Variants in PEPD observed in about 807,000 individuals in gnomAD.
PEPD encodes the protein xaa-Pro dipeptidase.
In PEPD, 53 loss-of-function variants were observed where a neutral mutation model predicts 60.7. The ratio of observed to expected loss-of-function variants is 0.87; its 90% confidence interval spans 0.70 to 1.10. PEPD has a LOEUF of 1.10. PEPD is among the 50% of genes least tolerant of loss of function. The pLI is 0.00. For missense variants in PEPD, 711 were observed against 711.9 expected (o/e 1.00, Z 0.01); for synonymous variants, 267 against 284.1 (o/e 0.94, Z 0.60).
intron 9 of PEPD, among the ~76,000 whole-genome samples, chr19:33,435,731 C>T (rs117626150): frequency 1.9e-4 from 29 of 152,348 alleles, no homozygotes; most frequent in Non-Finnish European, 3.7e-4. Context: ...TTCTCAATCA[C>T]GACAGGACTG....
intron 12 of PEPD, among the ~76,000 whole-genome samples, chr19:33,401,053 A>G (rs1968477109): frequency 6.6e-6 from 1 of 152,100 alleles, no homozygotes; most frequent in South Asian, 2.1e-4. Context: ...GTCAAGAGGT[A>G]CCAGTGGGGC....
chr19:33,466,779 AT>A lies in PEPD; in HGVS notation c.549-2718del, dbSNP rs1261155486. Among the ~76,000 whole-genome samples the A allele has an allele frequency of 7.3e-5, 11 of 151,578 alleles. No individual in the cohort carries two copies. In the East Asian group the frequency reaches 9.7e-4, roughly 13 times the overall value. On this transcript the variant is annotated intron_variant, in intron 7 of 14. Transcript: ENST00000244137. ...AATGAAAAAAAAAAAAGAAATAAAA[AT>A]TTTTTTCTAATAAAAAAACCATTCT...
chr19:33,396,507 C>A (rs7247261), intron 12 of PEPD, among the ~76,000 whole-genome samples: 2 of 151,934 alleles, frequency 1.3e-5, no homozygotes, highest in African/African-American at 2.4e-5. Flanking sequence ...ATTGGCAGCA[C>A]CCCCGTCACT....
intron 5 of PEPD, 121 bp downstream of exon 5, chr19:33,493,169 C>T: frequency 1.3e-6 from 1 of 759,354 alleles, no homozygotes; most frequent in Non-Finnish European, 2.4e-6. Context: ...AGCCCCTGGA[C>T]CCAACCCCTC....
intron 12 of PEPD, among the ~76,000 whole-genome samples, chr19:33,397,393 AC>A (rs1352077974): frequency 1.3e-5 from 2 of 149,720 alleles, no homozygotes; most frequent in East Asian, 4.0e-4. Flanking sequence ...CAGGAATTGA[AC>A]CCACGAACCC....
At chr19:33,463,846 C>T (rs886714725) in intron 8 of PEPD, 141 bp downstream of exon 8, 7 of 710,342 alleles carry the variant, frequency 9.9e-6, no homozygotes, top group East Asian at 2.7e-5. Flanking sequence ...GAAAAGAGAA[C>T]AATCACTGTG....
intron 6 of PEPD, 58 bp downstream of exon 6, chr19:33,489,938 T>C (rs1853118188): frequency 1.1e-6 from 1 of 945,748 alleles, no homozygotes; most frequent in Non-Finnish European, 1.7e-6. Flanking sequence ...AAAGACCTGC[T>C]AGTGAAGGTG....
Position 33,511,253 on chromosome 19 carries a change from C to T in PEPD, c.202-98G>A, listed in dbSNP as rs140656021. On this transcript the variant is annotated intron_variant, in intron 2 of 14. Transcript: ENST00000244137. Reference sequence around the variant, plus strand: ...AGCACCCTAGAGAGCCAGCTCAGACCGACAGCCTCCTGTAACTGACCCCAG... The same window carrying T: ...AGCACCCTAGAGAGCCAGCTCAGACTGACAGCCTCCTGTAACTGACCCCAG... 733 of 1,261,044 alleles carry T rather than the reference C, an allele frequency of 5.8e-4. 4 individuals carry two copies. The African/African-American group carries it at 9.8e-3, about 17-fold the overall frequency. 78.1% of individuals were successfully genotyped at this position (1,261,044 alleles called of 1,614,324 possible). A position where few individuals can be genotyped will look rare whatever the true frequency, so the allele number is the denominator to read the frequency against.
chr19:33,416,047 C>T (rs998258405), intron 9 of PEPD, among the ~76,000 whole-genome samples: 1 of 152,172 alleles, frequency 6.6e-6, no homozygotes, highest in African/African-American at 2.4e-5. Context: ...GCTGTGGCGG[C>T]ACAGGGGGCC....
At chr19:33,413,471 T>A in intron 10 of PEPD, 104 bp downstream of exon 10, 1 of 722,494 alleles carries the variant, frequency 1.4e-6, no homozygotes, top group Non-Finnish European at 2.5e-6. Context: ...GGCGTGTGAG[T>A]GAGCAAGTGT....
intron 7 of PEPD, among the ~76,000 whole-genome samples, chr19:33,470,861 A>C (rs1370003030): frequency 6.6e-6 from 1 of 152,156 alleles, no homozygotes; most frequent in Non-Finnish European, 1.5e-5. Context: ...CCAGCAGCCC[A>C]AAATCCCTCT....
At chr19:33,454,012 A>G (rs1309444989) in intron 9 of PEPD, among the ~76,000 whole-genome samples, 1 of 152,180 alleles carries the variant, frequency 6.6e-6, no homozygotes, top group Non-Finnish European at 1.5e-5. Flanking sequence ...AAATTCATCT[A>G]AGGTGCACCC....
intron 9 of PEPD, among the ~76,000 whole-genome samples, chr19:33,430,767 C>A (rs556169980): frequency 6.6e-6 from 1 of 152,264 alleles, no homozygotes; most frequent in East Asian, 1.9e-4. Context: ...GGCTTCTTGT[C>A]CTGATGTGTT....
intron 13 of PEPD, chr19:33,388,602 G>T: frequency 4.4e-6 from 1 of 224,738 alleles, no homozygotes; most frequent in South Asian, 6.9e-5. Flanking sequence ...GTCCAGGGAG[G>T]ACAGGTGCCG....
chr19:33,441,181 G>C (rs1969473457), intron 9 of PEPD, among the ~76,000 whole-genome samples: 1 of 152,190 alleles, frequency 6.6e-6, no homozygotes, highest in African/African-American at 2.4e-5. Context: ...TCTCCACCAA[G>C]CCCAGGGAGC....
Position 33,455,837 on chromosome 19 carries a change from T to C in PEPD, c.671+7158A>G, listed in dbSNP as rs1211256282. On this transcript the variant is annotated intron_variant, in intron 9 of 14. Coordinates refer to ENST00000244137, the MANE Select transcript of PEPD (RefSeq NM_000285.4). Reference sequence around the variant, plus strand: ...TGCCTGGCAATATCAGGTTTAATGGTGAAACACTAGAGGAAAATCCATAAA... The same window carrying C: ...TGCCTGGCAATATCAGGTTTAATGGCGAAACACTAGAGGAAAATCCATAAA... Among the ~76,000 whole-genome samples, 3 of 152,036 alleles carry C rather than the reference T, an allele frequency of 2.0e-5. No individual in the cohort carries two copies. In the East Asian group the frequency reaches 5.8e-4, roughly 29 times the overall value.
chr19:33,449,475 C>A (rs1969655909), intron 9 of PEPD, among the ~76,000 whole-genome samples: 1 of 152,072 alleles, frequency 6.6e-6, no homozygotes, highest in African/African-American at 2.4e-5. Flanking sequence ...GAAGCCTGCG[C>A]CAAAACAGGA....
chr19:33,413,944 A>T (rs2145368085), intron 9 of PEPD, among the ~76,000 whole-genome samples: 1 of 152,356 alleles, frequency 6.6e-6, no homozygotes, highest in Non-Finnish European at 1.5e-5. Context: ...TCCCAGGCAC[A>T]TCAGGACAGA....
chr19:33,410,527 G>T (rs1459077118), intron 11 of PEPD, among the ~76,000 whole-genome samples: 1 of 152,200 alleles, frequency 6.6e-6, no homozygotes, highest in South Asian at 2.1e-4. Context: ...ACTACCTGCT[G>T]TAGGGTGAGG....
Sources: gnomAD v4.1 joint callset for allele counts (sites outside exome capture counted in the v4.1 genomes callset) on GRCh38, gnomAD v4.1.1 for gene constraint, MANE v1.5 for transcripts, NCBI Gene and HGNC (gene_info 2026-07-23, HGNC 2026-07-21) for gene names.